Variants in EFNA5 observed in about 807,000 individuals in gnomAD.
The protein encoded by EFNA5 is ephrin A5.
Under a neutral mutation model 22.9 loss-of-function variants are expected in EFNA5, and 5 were observed. The ratio of observed to expected loss-of-function variants is 0.22; its 90% confidence interval spans 0.11 to 0.46. EFNA5 has a LOEUF of 0.46. EFNA5 is among the 20% of genes least tolerant of loss of function. EFNA5 has a pLI of 0.99. For synonymous variants in EFNA5, 113 were observed against 112.2 expected, an observed-to-expected ratio of 1.01 and a Z score of -0.04; for missense variants, 237 against 293.3, an observed-to-expected ratio of 0.81 and a Z score of 1.40.
chr5:107,405,591 T>A (rs557773233), intron 2 of EFNA5, among the ~76,000 whole-genome samples: 9 of 152,318 alleles, frequency 5.9e-5, no homozygotes, highest in Non-Finnish European at 1.0e-4. Context: ...AATTACTTAC[T>A]TTAACAGACC....
chr5:107,561,059 T>C (rs1452736692), intron 1 of EFNA5, among the ~76,000 whole-genome samples: 1 of 152,212 alleles, frequency 6.6e-6, no homozygotes, highest in Non-Finnish European at 1.5e-5. Context: ...AGATGCTGTA[T>C]AAGGGATATA....
chr5:107,540,347 CTGT>C (rs1377796994), intron 1 of EFNA5, among the ~76,000 whole-genome samples: 4 of 152,090 alleles, frequency 2.6e-5, no homozygotes, highest in African/African-American at 9.7e-5. Context: ...TTTGCTACGG[CTGT>C]AAAAGAATAC....
At chr5:107,487,241 G>A (rs867518912) in intron 1 of EFNA5, among the ~76,000 whole-genome samples, 1 of 151,882 alleles carries the variant, frequency 6.6e-6, no homozygotes, top group Non-Finnish European at 1.5e-5. Flanking sequence ...TCTTCCCCCC[G>A]GGTGAACACC....
chr5:107,512,174 A>G (rs1747385219), intron 1 of EFNA5, among the ~76,000 whole-genome samples: 1 of 152,166 alleles, frequency 6.6e-6, no homozygotes, highest in Admixed American at 6.5e-5. Flanking sequence ...TTCAACAGGG[A>G]AGTCCCACCC....
At chr5:107,406,035 C>A (rs1216714658) in intron 2 of EFNA5, among the ~76,000 whole-genome samples, 42 of 51,838 alleles carry the variant, frequency 8.1e-4, no homozygotes, top group African/African-American at 2.3e-3. Flanking sequence ...ATAAAAATAC[C>A]TATATTTGTA....
chr5:107,382,382 A>AT (rs1747492317), intron 4 of EFNA5, among the ~76,000 whole-genome samples: 1 of 151,878 alleles, frequency 6.6e-6, no homozygotes, highest in Non-Finnish European at 1.5e-5. Flanking sequence ...ATTAATTAAT[A>AT]TTTTTTTAGA....
At chr5:107,384,817 T>TTGTC (rs1269487214) in intron 4 of EFNA5, among the ~76,000 whole-genome samples, 1 of 148,980 alleles carries the variant, frequency 6.7e-6, no homozygotes, top group Non-Finnish European at 1.5e-5. Context: ...TTTCACAGTG[T>TTGTC]TGTCCAGGTT....
intron 1 of EFNA5, among the ~76,000 whole-genome samples, chr5:107,619,462 ACTTT>A (rs1168706200): frequency 1.3e-5 from 2 of 150,688 alleles, no homozygotes; most frequent in African/African-American, 2.4e-5. Flanking sequence ...CATCAGCTGG[ACTTT>A]CTTTTTTTTT....
intron 1 of EFNA5, among the ~76,000 whole-genome samples, chr5:107,568,271 C>T (rs1026186232): frequency 2.0e-5 from 3 of 152,104 alleles, no homozygotes; most frequent in African/African-American, 7.2e-5. Context: ...TATCAAAATA[C>T]AGACCCATTT....
At chr5:107,653,356 C>T (rs779515995) in intron 1 of EFNA5, among the ~76,000 whole-genome samples, 2 of 152,090 alleles carry the variant, frequency 1.3e-5, no homozygotes, top group Non-Finnish European at 2.9e-5. Flanking sequence ...TTGTAGTCAG[C>T]TTCCCTTTCC....
chr5:107,535,218 T>C (rs943367771), intron 1 of EFNA5, among the ~76,000 whole-genome samples: 1 of 152,094 alleles, frequency 6.6e-6, no homozygotes, highest in Non-Finnish European at 1.5e-5. Flanking sequence ...AAAGGAAAAA[T>C]AAATGTCACA....
intron 1 of EFNA5, among the ~76,000 whole-genome samples, chr5:107,451,742 G>C (rs540824878): frequency 1.3e-5 from 2 of 152,190 alleles, no homozygotes; most frequent in Non-Finnish European, 2.9e-5. Flanking sequence ...TGGAGAGGCT[G>C]TGGAGAAACA....
At chr5:107,408,543 G>T (rs1047195377) in intron 2 of EFNA5, among the ~76,000 whole-genome samples, 1 of 152,124 alleles carries the variant, frequency 6.6e-6, no homozygotes, top group Non-Finnish European at 1.5e-5. Context: ...ATATAGACCT[G>T]TTCAGAATTC....
chr5:107,442,656 A>G (rs1749285892), intron 1 of EFNA5, among the ~76,000 whole-genome samples: 1 of 152,130 alleles, frequency 6.6e-6, no homozygotes, highest in African/African-American at 2.4e-5. Flanking sequence ...TGCCCTAATG[A>G]AACAAAGCTA....
At chr5:107,472,654 C>A (rs1031487152) in intron 1 of EFNA5, among the ~76,000 whole-genome samples, 27 of 152,292 alleles carry the variant, frequency 1.8e-4, no homozygotes, top group African/African-American at 6.5e-4. Flanking sequence ...GACAGTGGGA[C>A]TTGTCAGACT....
rs548037633 is a variant in EFNA5 at position 107,646,158 on chromosome 5, C to T, written c.125+24331G>A. ...GTATCTAAGGTATAGGAAAAGAGTACGCAGTTGCAGTCTAGAGATGGAATG... is the reference window on the plus strand; with the variant it reads ...GTATCTAAGGTATAGGAAAAGAGTATGCAGTTGCAGTCTAGAGATGGAATG... On this transcript the variant is annotated intron_variant, in intron 1 of 4. Coordinates refer to ENST00000333274, the MANE Select transcript of EFNA5 (RefSeq NM_001962.3). Among the ~76,000 whole-genome samples the T allele has an allele frequency of 2.3e-4, 35 of 152,150 alleles. No individual in the cohort carries two copies. The East Asian group carries it at 3.1e-3, about 13-fold the overall frequency.
chr5:107,416,292 C>T (rs904792645), intron 2 of EFNA5, among the ~76,000 whole-genome samples: 4 of 152,166 alleles, frequency 2.6e-5, no homozygotes, highest in African/African-American at 4.8e-5. Context: ...ACTTAGATAA[C>T]GACTTGCCAA....
chr5:107,530,372 C>T (rs1328048758), intron 1 of EFNA5, among the ~76,000 whole-genome samples: 1 of 152,222 alleles, frequency 6.6e-6, no homozygotes, highest in Non-Finnish European at 1.5e-5. Flanking sequence ...CAGCTAATCA[C>T]ATAGCCACGC....
intron 1 of EFNA5, among the ~76,000 whole-genome samples, chr5:107,595,276 G>T (rs1297774347): frequency 1.3e-5 from 2 of 151,910 alleles, no homozygotes; most frequent in Admixed American, 1.3e-4. Flanking sequence ...CTCCCTAAGA[G>T]GAAGAAAAGT....
Sources: gnomAD v4.1 joint callset for allele counts (sites outside exome capture counted in the v4.1 genomes callset) on GRCh38, gnomAD v4.1.1 for gene constraint, MANE v1.5 for transcripts, NCBI Gene and HGNC (gene_info 2026-07-23, HGNC 2026-07-21) for gene names.